Variants in SHROOM3 observed in about 807,000 individuals in gnomAD.
SHROOM3 encodes the protein protein Shroom3.
Under a neutral mutation model 138.6 loss-of-function variants are expected in SHROOM3, and 47 were observed. That is an observed-to-expected ratio of 0.34 (90% CI 0.27 to 0.43). The LOEUF is 0.43. Ranked by LOEUF, SHROOM3 falls within the 20% of genes least tolerant of loss-of-function variation. The pLI is 1.00. For synonymous variants in SHROOM3, 1,062 were observed against 1,063.3 expected (o/e 1.00, Z 0.02); for missense variants, 2,491 against 2,596.5 (o/e 0.96, Z 0.88).
At chr4:76,745,733 C>T (rs926488770) in intron 5 of SHROOM3, among the ~76,000 whole-genome samples, 1 of 152,194 alleles carries the variant, frequency 6.6e-6, no homozygotes, top group East Asian at 1.9e-4. Context: ...GTAATCCCAG[C>T]ACCTTGGGAG....
At chr4:76,552,715 T>C (rs1384510653) in intron 1 of SHROOM3, among the ~76,000 whole-genome samples, 1 of 151,784 alleles carries the variant, frequency 6.6e-6, no homozygotes, top group Non-Finnish European at 1.5e-5. Context: ...TGTATATATA[T>C]AATTGCTTGG....
At chr4:76,527,228 T>TC (rs892315657) in intron 1 of SHROOM3, among the ~76,000 whole-genome samples, 15 of 152,178 alleles carry the variant, frequency 9.9e-5, no homozygotes, top group African/African-American at 3.6e-4. Context: ...CTGTGGTTTT[T>TC]CCCTTCATAA....
At chr4:76,655,169 A>T (rs1736039258) in intron 2 of SHROOM3, among the ~76,000 whole-genome samples, 1 of 152,218 alleles carries the variant, frequency 6.6e-6, no homozygotes, top group African/African-American at 2.4e-5. Context: ...GGGAAAAATA[A>T]ATAGCTTATC....
chr4:76,660,255 G>A (rs1323474921), intron 2 of SHROOM3, among the ~76,000 whole-genome samples: 1 of 152,150 alleles, frequency 6.6e-6, no homozygotes, highest in Non-Finnish European at 1.5e-5. Context: ...AGGACTATCT[G>A]ATTAAGTGCA....
At chr4:76,480,280 G>C (rs749163565) in intron 1 of SHROOM3, among the ~76,000 whole-genome samples, 12 of 152,164 alleles carry the variant, frequency 7.9e-5, no homozygotes, top group South Asian at 4.1e-4. Context: ...TCAAAATAAA[G>C]AGATGGAGGA....
intron 1 of SHROOM3, among the ~76,000 whole-genome samples, chr4:76,473,856 C>T (rs1374785811): frequency 2.0e-5 from 3 of 152,176 alleles, no homozygotes; most frequent in Non-Finnish European, 4.4e-5. Flanking sequence ...AACTCTCACA[C>T]ATTGCTGGTG....
intron 9 of SHROOM3, among the ~76,000 whole-genome samples, chr4:76,763,354 T>C (rs943829070): frequency 6.6e-6 from 1 of 151,212 alleles, no homozygotes; most frequent in Non-Finnish European, 1.5e-5. Flanking sequence ...GCCACTGCAC[T>C]CCAGACTGGG....
chr4:76,595,863 C>A (rs1159096880), intron 2 of SHROOM3, among the ~76,000 whole-genome samples: 1 of 152,158 alleles, frequency 6.6e-6, no homozygotes, highest in Admixed American at 6.5e-5. Context: ...CTAAGCCAGG[C>A]AAATCAGAGT....
chr4:76,701,414 G>A (rs566552186), intron 2 of SHROOM3, among the ~76,000 whole-genome samples: 11 of 152,304 alleles, frequency 7.2e-5, no homozygotes, highest in African/African-American at 2.2e-4. Context: ...CCAGTCGTGT[G>A]GCTTAGAAGT....
At chr4:76,566,542 A>G (rs1048394655) in intron 2 of SHROOM3, among the ~76,000 whole-genome samples, 22 of 152,200 alleles carry the variant, frequency 1.4e-4, no homozygotes, top group African/African-American at 5.3e-4. Flanking sequence ...CCCCCTCCAC[A>G]TATCCTTAAT....
intron 1 of SHROOM3, among the ~76,000 whole-genome samples, chr4:76,496,096 G>A (rs1033923795): frequency 6.6e-6 from 1 of 152,220 alleles, no homozygotes; most frequent in Non-Finnish European, 1.5e-5. Flanking sequence ...AGTGTGTTGA[G>A]AGTTTGGAAC....
intron 1 of SHROOM3, among the ~76,000 whole-genome samples, chr4:76,462,179 A>G (rs966600859): frequency 1.3e-5 from 2 of 152,178 alleles, no homozygotes; most frequent in Non-Finnish European, 2.9e-5. Context: ...ACTTGAGGTC[A>G]GAAGTTCAAG....
Position 76,664,893 on chromosome 4 carries a change from G to A in SHROOM3, c.324-45263G>A, listed in dbSNP as rs571529302. Among the ~76,000 whole-genome samples, 1 of 152,234 alleles carries A rather than the reference G, an allele frequency of 6.6e-6. No individual in the cohort carries two copies. The highest frequency in any genetic ancestry group is 2.4e-5 in the African/African-American group (1 of 41,536). ...TGGTCGAGCACGGTGGCTTTTGCCT[G>A]TAATCCTAGCACTTTGGTAGGCCGA... On this transcript the variant is annotated intron_variant, in intron 2 of 10. Transcript: ENST00000296043. This position sits in a 1 kb window ranked among gnomAD's most constrained non-coding sequence, Gnocchi z 4.2.
At chr4:76,673,411 T>G (rs77607718) in intron 2 of SHROOM3, among the ~76,000 whole-genome samples, 1 of 152,196 alleles carries the variant, frequency 6.6e-6, no homozygotes, top group Non-Finnish European at 1.5e-5. Context: ...ATTTTTTTTT[T>G]CTGAAGAAGA....
intron 7 of SHROOM3, 61 bp downstream of exon 7, chr4:76,755,253 C>T: frequency 5.1e-6 from 8 of 1,576,816 alleles, no homozygotes; most frequent in Middle Eastern, 1.8e-4. Flanking sequence ...CCCCAGGTGG[C>T]CCAGGTCCTT....
In SHROOM3 at chr4:76,445,116, C is replaced by G. The variant is rs1201848910; in HGVS notation, c.168+8896C>G. Among the ~76,000 whole-genome samples the G allele has an allele frequency of 2.7e-5, 4 of 147,440 alleles. No individual in the cohort carries two copies. In the East Asian group the frequency reaches 8.0e-4, roughly 30 times the overall value. ...GTCTCAAAAAAAAAAAAAAAAGGAA[C>G]ATTCTTACCTAATGAAGTTGTTATA... On this transcript the variant is annotated intron_variant, in intron 1 of 10. Transcript: ENST00000296043.
chr4:76,449,451 C>A (rs1730879440), intron 1 of SHROOM3, among the ~76,000 whole-genome samples: 2 of 152,146 alleles, frequency 1.3e-5, no homozygotes, highest in Non-Finnish European at 2.9e-5. Context: ...ACCTACCCTG[C>A]CCTTGAAATA....
chr4:76,468,536 T>TAA, intron 1 of SHROOM3, among the ~76,000 whole-genome samples: 1 of 151,612 alleles, frequency 6.6e-6, no homozygotes, highest in South Asian at 2.1e-4. Flanking sequence ...TAAATGAGTT[T>TAA]ATTTTTAAAT....
Position 76,741,501 on chromosome 4 carries a change from G to T in SHROOM3, c.3328G>T (p.Gly1110Trp). 1.3e-6 allele frequency: 2 copies of T among 1,555,024 alleles called. No individual in the cohort carries two copies. Among genetic ancestry groups the T allele is most frequent in the East Asian group, 2.4e-5 (1 of 41,868 alleles). The change falls in exon 5 of 11, where the codon GGG becomes TGG. Residue 1110 changes from glycine to tryptophan, a missense_variant. Around this residue, in one of 4 missense-constraint regions of SHROOM3, gnomAD observed 1,733 missense variants for 1,661.6 expected, o/e 1.04. Transcript: ENST00000296043. The surrounding 1 kb of genome is among the most constrained non-coding windows in gnomAD (Gnocchi z 6.2). ...CGCCGGCTGCAGCCTCCAGGAGCCC[G>T]GGCCACTGCGTGAGCGCGCCCAGAG... The part of the protein sequence containing the change: ...SAAGCSLQEP[G>W]PLRERAQSAY...
Sources: allele counts gnomAD v4.1 joint callset (sites outside exome capture counted in the v4.1 genomes callset), GRCh38; gene constraint gnomAD v4.1.1; regional missense constraint gnomAD v4.1.1; non-coding constraint Gnocchi (gnomAD v3.1); transcripts MANE v1.5; gene names NCBI Gene and HGNC (gene_info 2026-07-23, HGNC 2026-07-21).